The following OXCT1 variants were observed in gnomAD, a reference collection of about 807,000 sequenced individuals.
OXCT1 encodes succinyl-CoA:3-ketoacid coenzyme A transferase 1, mitochondrial.
A neutral mutation model predicts 69.6 loss-of-function variants in OXCT1; 27 were observed. The ratio of observed to expected loss-of-function variants is 0.39; its 90% CI spans 0.29 to 0.54. The LOEUF (loss-of-function observed/expected upper bound fraction) is 0.54, where lower values mean the gene tolerates loss of function less well. Ranked by LOEUF, OXCT1 falls within the 20% of genes least tolerant of loss-of-function variation. OXCT1 has a pLI of 0.72. For missense variants in OXCT1, 437 were observed against 650.2 expected, an observed-to-expected ratio of 0.67 and a Z score of 3.57; for synonymous variants, 202 against 217.8, an observed-to-expected ratio of 0.93 and a Z score of 0.64.
intron 5 of OXCT1, among the ~76,000 whole-genome samples, chr5:41,845,651 T>C (rs978829724): frequency 6.6e-6 from 1 of 152,164 alleles, no homozygotes; most frequent in Non-Finnish European, 1.5e-5. Flanking sequence ...ACTACGAGTT[T>C]GAGGCACCTG....
intron 1 of OXCT1, among the ~76,000 whole-genome samples, chr5:41,867,940 G>T (rs1313493526): frequency 2.0e-5 from 3 of 152,138 alleles, no homozygotes; most frequent in African/African-American, 7.2e-5. Context: ...TTTCACCTAA[G>T]TCCATGCCAG....
At chr5:41,869,849 C>A (rs1750198141) in intron 1 of OXCT1, among the ~76,000 whole-genome samples, 1 of 152,112 alleles carries the variant, frequency 6.6e-6, no homozygotes, top group Admixed American at 6.5e-5. Context: ...CCCAGAGATC[C>A]AACATCGGGG....
intron 13 of OXCT1, among the ~76,000 whole-genome samples, chr5:41,775,664 A>C (rs1462250365): frequency 6.6e-6 from 1 of 152,122 alleles, no homozygotes; most frequent in Non-Finnish European, 1.5e-5. Context: ...GTGGGGCTGA[A>C]CTTTCCAACC....
At chr5:41,869,038 G>A (rs1230173667) in intron 1 of OXCT1, among the ~76,000 whole-genome samples, 1 of 152,196 alleles carries the variant, frequency 6.6e-6, no homozygotes, top group Non-Finnish European at 1.5e-5. Flanking sequence ...GCTCTGGTTT[G>A]TATTAGCTTC....
intron 15 of OXCT1, among the ~76,000 whole-genome samples, chr5:41,743,392 T>C (rs545266323): frequency 6.6e-6 from 1 of 152,336 alleles, no homozygotes; most frequent in South Asian, 2.1e-4. Context: ...CTTTGTCAGA[T>C]GGGTAGATTG....
intron 14 of OXCT1, among the ~76,000 whole-genome samples, chr5:41,752,933 C>T (rs1743867020): frequency 6.6e-6 from 1 of 152,000 alleles, no homozygotes; most frequent in Admixed American, 6.6e-5. Flanking sequence ...GGGTAATTCA[C>T]CATTTTCAAG....
intron 7 of OXCT1, among the ~76,000 whole-genome samples, chr5:41,829,583 A>G (rs1201529903): frequency 6.6e-6 from 1 of 152,148 alleles, no homozygotes; most frequent in African/African-American, 2.4e-5. Context: ...ACAAGAAATA[A>G]AATGTCAAGA....
chr5:41,863,911 TA>T (rs1749850357), intron 1 of OXCT1, among the ~76,000 whole-genome samples: 1 of 152,198 alleles, frequency 6.6e-6, no homozygotes. Flanking sequence ...GGTTCAATCT[TA>T]AATGTCAAAG....
intron 7 of OXCT1, among the ~76,000 whole-genome samples, chr5:41,827,656 T>C (rs953108107): frequency 2.0e-5 from 3 of 152,194 alleles, no homozygotes; most frequent in South Asian, 2.1e-4. Context: ...TTTCAATCCT[T>C]TTCTGCTGCT....
At chr5:41,835,745 A>G (rs1190394863) in intron 7 of OXCT1, among the ~76,000 whole-genome samples, 1 of 152,200 alleles carries the variant, frequency 6.6e-6, no homozygotes, top group African/African-American at 2.4e-5. Context: ...TAGCCATGGC[A>G]CAAGCCTGAC....
chr5:41,807,369 G>A lies in OXCT1; in HGVS notation c.802C>T (p.Arg268Cys), dbSNP rs1265599764. ...DIHIPQIYVH[R>C]LIKGEKYEKR... is the part of the protein sequence containing the mutation. ...TCATATTTTTCTCCCTTTATAAGGCGATGTACATAAATCTGAGGAATATGG... is the reference window on the plus strand; with the variant it reads ...TCATATTTTTCTCCCTTTATAAGGCAATGTACATAAATCTGAGGAATATGG... The change falls in exon 8 of 17, where the codon CGC (arginine) becomes TGC (cysteine). Residue 268 changes from arginine to cysteine, a missense_variant. Arg to Cys is a radical substitution (Grantham distance 180, BLOSUM62 -3). Around this residue, in one of 4 missense-constraint regions of OXCT1, gnomAD observed 252 missense variants for 397.4 expected, o/e 0.63. Coordinates refer to ENST00000196371, the MANE Select transcript of OXCT1 (RefSeq NM_000436.4). 2.5e-6 allele frequency: 4 copies of A among 1,599,632 alleles called. No homozygotes were observed. The highest frequency in any genetic ancestry group is 3.4e-6 in the Non-Finnish European group (4 of 1,167,588).
chr5:41,834,292 A>G (rs549298364), intron 7 of OXCT1, among the ~76,000 whole-genome samples: 19 of 152,188 alleles, frequency 1.2e-4, no homozygotes, highest in African/African-American at 4.1e-4. Context: ...AATGGCACGA[A>G]TAAGTCCCTA....
At chr5:41,753,292 GAC>G (rs70988867) in intron 14 of OXCT1, among the ~76,000 whole-genome samples, 4,194 of 133,346 alleles carry the variant, frequency 0.031, 86 homozygotes, top group Non-Finnish European at 0.042. Context: ...CACACACATA[GAC>G]ACACACACAC....
intron 13 of OXCT1, among the ~76,000 whole-genome samples, chr5:41,779,098 C>T (rs1398344554): frequency 2.0e-5 from 3 of 152,142 alleles, no homozygotes; most frequent in Admixed American, 1.3e-4. Context: ...AGGTCTTATA[C>T]GTGTTAGAAG....
intron 7 of OXCT1, among the ~76,000 whole-genome samples, chr5:41,831,639 T>C (rs1379845937): frequency 6.6e-6 from 1 of 152,146 alleles, no homozygotes; most frequent in East Asian, 1.9e-4. Context: ...CCTTAAACTA[T>C]CTTTGCACTG....
chr5:41,819,002 A>AG, intron 7 of OXCT1, among the ~76,000 whole-genome samples: 1 of 152,076 alleles, frequency 6.6e-6, no homozygotes, highest in Non-Finnish European at 1.5e-5. Context: ...TTATCACTTC[A>AG]GTATTTGTAG....
At chr5:41,843,724 T>G (rs1309248604) in intron 5 of OXCT1, 2 of 306,816 alleles carry the variant, frequency 6.5e-6, no homozygotes, top group Non-Finnish European at 1.3e-5. Context: ...ACAGACTAAG[T>G]GCGTTTTACA....
intron 16 of OXCT1, among the ~76,000 whole-genome samples, chr5:41,734,736 C>A (rs1215112321): frequency 6.6e-6 from 1 of 152,090 alleles, no homozygotes; most frequent in African/African-American, 2.4e-5. Context: ...AGACAGAAGA[C>A]TATATCGAAC....
At chr5:41,748,278 T>C (rs1025341369) in intron 15 of OXCT1, among the ~76,000 whole-genome samples, 6 of 151,670 alleles carry the variant, frequency 4.0e-5, no homozygotes, top group South Asian at 2.1e-4. Context: ...CTATGACAGG[T>C]AGAAGAACTG....
Sources: allele counts gnomAD v4.1 joint callset (sites outside exome capture counted in the v4.1 genomes callset), GRCh38; gene constraint gnomAD v4.1.1; regional missense constraint gnomAD v4.1.1; transcripts MANE v1.5; gene names NCBI Gene and HGNC (gene_info 2026-07-23, HGNC 2026-07-21).